RIMS1: variants seen among roughly 807,000 people sequenced by gnomAD.
RIMS1 encodes the protein regulating synaptic membrane exocytosis 1.
Under a neutral mutation model 214.1 loss-of-function variants are expected in RIMS1, and 83 were observed. The observed-to-expected ratio is 0.39, with a 90% CI of 0.32 to 0.47. The LOEUF is 0.47. Among genes scored for constraint, RIMS1 ranks in the 20% least tolerant of loss-of-function variants. The pLI, the probability that RIMS1 is intolerant of heterozygous loss-of-function variation, is 0.99. For missense variants in RIMS1, 2,050 were observed against 2,161.8 expected (o/e 0.95, Z 1.03); for synonymous variants, 793 against 786.8 (o/e 1.01, Z -0.13).
chr6:72,014,301 A>T (rs1811945164), intron 2 of RIMS1, among the ~76,000 whole-genome samples: 1 of 152,218 alleles, frequency 6.6e-6, no homozygotes, highest in Non-Finnish European at 1.5e-5. Context: ...AGTTATCTCC[A>T]TCTGGTCCCT....
intron 2 of RIMS1, among the ~76,000 whole-genome samples, chr6:72,042,115 ATTTT>A (rs1821618729): frequency 6.6e-6 from 1 of 151,942 alleles, no homozygotes; most frequent in South Asian, 2.1e-4. Context: ...AAATGAGCAT[ATTTT>A]AAGATAACAC....
chr6:72,249,152 A>G (rs1341514136), intron 12 of RIMS1, among the ~76,000 whole-genome samples: 4 of 152,218 alleles, frequency 2.6e-5, no homozygotes, highest in African/African-American at 9.6e-5. Context: ...ATGACTCTCA[A>G]ATATGTTCTA....
At chr6:72,192,563 A>G (rs114877361) in intron 6 of RIMS1, among the ~76,000 whole-genome samples, 302 of 152,290 alleles carry the variant, frequency 2.0e-3, no homozygotes, top group Middle Eastern at 6.8e-3. Flanking sequence ...TGCTTATATA[A>G]ATTAAGAATG....
chr6:72,290,757 T>A lies in RIMS1; in HGVS notation c.3633T>A (p.His1211Gln). ...ATDQPVIRGK[H>Q]PARSRSSEHS... ...ATCAGCCAGTCATTAGGGGAAAACA[T>A]CCTGCTCGCTCAAGGTCGAGTGAGC... is the stretch of plus-strand genomic sequence containing the variant. Residue 1211 changes from histidine to glutamine, a missense_variant, in exon 25 of 34, where the codon CAT becomes CAA. Physicochemically the swap from His to Gln is conservative, Grantham distance 24 (BLOSUM62 0). Transcript: ENST00000521978. 6.2e-7 allele frequency: 1 copy of A among 1,613,790 alleles called. No homozygotes were observed. The highest frequency in any genetic ancestry group is 8.5e-7 in the Non-Finnish European group (1 of 1,179,782).
chr6:72,269,951 A>G (rs572297404), intron 22 of RIMS1, among the ~76,000 whole-genome samples: 19 of 152,134 alleles, frequency 1.2e-4, no homozygotes, highest in Non-Finnish European at 2.8e-4. Flanking sequence ...TCCCGCCACC[A>G]ACACACGCAC....
chr6:72,390,777 A>T (rs769570320), intron 30 of RIMS1, 41 bp downstream of exon 30: 2 of 1,604,830 alleles, frequency 1.2e-6, no homozygotes, highest in South Asian at 2.2e-5. Context: ...TGGAACCAGG[A>T]ATTGTGTACT....
At chr6:72,042,950 T>C (rs1821867200) in intron 2 of RIMS1, among the ~76,000 whole-genome samples, 1 of 151,750 alleles carries the variant, frequency 6.6e-6, no homozygotes, top group Non-Finnish European at 1.5e-5. Flanking sequence ...CTCAAAATGC[T>C]CAAAAGAAAT....
intron 29 of RIMS1, among the ~76,000 whole-genome samples, chr6:72,341,521 A>G (rs2807542): frequency 0.031 from 4,730 of 151,912 alleles, 258 homozygotes; most frequent in African/African-American, 0.11. Context: ...TATCAGCTTT[A>G]TAAACTAGAA....
intron 2 of RIMS1, among the ~76,000 whole-genome samples, chr6:72,059,421 G>T (rs1395721374): frequency 6.6e-6 from 1 of 152,060 alleles, no homozygotes; most frequent in Non-Finnish European, 1.5e-5. Context: ...TTGAGACGGG[G>T]TTTTGCCATG....
At chr6:71,989,481 C>T (rs1011565567) in intron 2 of RIMS1, among the ~76,000 whole-genome samples, 1 of 152,142 alleles carries the variant, frequency 6.6e-6, no homozygotes, top group Non-Finnish European at 1.5e-5. Context: ...TTGTTTTGCT[C>T]TAAGGGCATA....
chr6:71,938,780 G>A (rs1210073502), intron 1 of RIMS1, among the ~76,000 whole-genome samples: 1 of 152,124 alleles, frequency 6.6e-6, no homozygotes, highest in Non-Finnish European at 1.5e-5. Flanking sequence ...TTCTCCTATT[G>A]TCTTTTGAAG....
chr6:72,400,410 C>G, intron 33 of RIMS1, 86 bp from the exon 34 acceptor site: 1 of 1,123,358 alleles, frequency 8.9e-7, no homozygotes, highest in Middle Eastern at 2.1e-4. Context: ...ACTGACTGGC[C>G]CACTTTTACA....
intron 4 of RIMS1, among the ~76,000 whole-genome samples, chr6:72,176,968 C>A (rs1176713817): frequency 1.3e-5 from 2 of 152,116 alleles, no homozygotes; most frequent in Non-Finnish European, 2.9e-5. Flanking sequence ...CCAAATCTGG[C>A]AGTTAGTTCT....
intron 1 of RIMS1, among the ~76,000 whole-genome samples, chr6:71,893,968 C>G (rs1187326894): frequency 6.6e-6 from 1 of 152,168 alleles, no homozygotes; most frequent in Non-Finnish European, 1.5e-5. Context: ...ACCCGGATGA[C>G]AAATTATATT....
intron 2 of RIMS1, among the ~76,000 whole-genome samples, chr6:72,004,915 T>C (rs1806842049): frequency 1.3e-5 from 2 of 152,220 alleles, no homozygotes; most frequent in Admixed American, 1.3e-4. Context: ...TTGTCATTGC[T>C]TTTGGTGTTT....
At chr6:72,400,410 C>A in intron 33 of RIMS1, 86 bp from the exon 34 acceptor site, 1 of 1,123,358 alleles carries the variant, frequency 8.9e-7, no homozygotes, top group Non-Finnish European at 1.4e-6. Context: ...ACTGACTGGC[C>A]CACTTTTACA....
chr6:72,253,581 A>G (rs1200046443), intron 16 of RIMS1, among the ~76,000 whole-genome samples: 2 of 152,184 alleles, frequency 1.3e-5, no homozygotes, highest in East Asian at 1.9e-4. Flanking sequence ...GAAGAAATGA[A>G]AGAGACAGTC....
rs984221483 is a variant in RIMS1 at position 72,370,718 on chromosome 6, A to T, written c.4367-19880A>T. ...GAATATTTGTACATGTATGGATAGC[A>T]TTTAGAAAGCAGACATAAATATTTA... On this transcript the variant is annotated intron_variant, in intron 29 of 33. Coordinates refer to ENST00000521978, the MANE Select transcript of RIMS1 (RefSeq NM_014989.7). Among the ~76,000 whole-genome samples the T allele has an allele frequency of 4.6e-5, 7 of 152,230 alleles. 1 individual carries two copies. The East Asian group carries it at 1.3e-3, about 29-fold the overall frequency.
intron 14 of RIMS1, 41 bp downstream of exon 14, chr6:72,251,133 A>C (rs754297539): frequency 1.6e-5 from 25 of 1,557,300 alleles, no homozygotes; most frequent in Non-Finnish European, 1.7e-5. Flanking sequence ...TAGTTAATAA[A>C]GTTTTGTGAT....
Sources: allele counts gnomAD v4.1 joint callset (sites outside exome capture counted in the v4.1 genomes callset), GRCh38; gene constraint gnomAD v4.1.1; transcripts MANE v1.5; gene names NCBI Gene and HGNC (gene_info 2026-07-23, HGNC 2026-07-21).